UBTD1: variants seen among roughly 807,000 people sequenced by gnomAD.
UBTD1 encodes the protein ubiquitin domain containing 1.
A neutral mutation model predicts 21.7 loss-of-function variants in UBTD1; 19 were observed. That is an observed-to-expected ratio of 0.87 (90% CI 0.61 to 1.28). The LOEUF is 1.28. Among genes scored for constraint, UBTD1 ranks in the 50% most tolerant of loss-of-function variants. The pLI is 0.00. For missense variants in UBTD1, 282 were observed against 315.1 expected, an observed-to-expected ratio of 0.89 and a Z score of 0.80; for synonymous variants, 116 against 135.1, an observed-to-expected ratio of 0.86 and a Z score of 0.98.
chr10:97,545,766 T>C (rs1428100167), intron 1 of UBTD1, among the ~76,000 whole-genome samples: 1 of 152,236 alleles, frequency 6.6e-6, no homozygotes, highest in African/African-American at 2.4e-5. Flanking sequence ...CCTGCGTGTC[T>C]CTGTTCTAGG....
chr10:97,557,421 G>T (rs529295759), intron 1 of UBTD1, among the ~76,000 whole-genome samples: 4 of 152,080 alleles, frequency 2.6e-5, no homozygotes, highest in Non-Finnish European at 4.4e-5. Context: ...GCTCCCACTC[G>T]TGCAGGAGGG....
rs912687436 is a variant in UBTD1, at chr10:97,570,235, G to A, written c.396G>A (p.Glu132=). 2.5e-6 allele frequency: 4 copies of A among 1,613,060 alleles called. No individual in the cohort carries two copies. Among genetic ancestry groups the A allele is most frequent in the Non-Finnish European group, 2.5e-6 (3 of 1,179,988 alleles). Residue 132 remains glutamate (E), a synonymous_variant, in exon 3 of 3, where the codon GAG becomes GAA. Coordinates refer to ENST00000370664, the MANE Select transcript of UBTD1 (RefSeq NM_024954.5). This position sits in a 1 kb window ranked among gnomAD's most constrained non-coding sequence, Gnocchi z 6.6. The part of the protein sequence containing the change: ...PPVNLLLEHT[E]EESLEPPEPP... ...TGAACCTGCTGCTGGAGCACACGGA[G>A]GAGGAGAGCCTGGAGCCCCCCGAGC... is the stretch of plus-strand genomic sequence containing the variant.
At chr10:97,502,178 A>G (rs1292150733) in intron 1 of UBTD1, among the ~76,000 whole-genome samples, 1 of 151,858 alleles carries the variant, frequency 6.6e-6, no homozygotes, top group East Asian at 1.9e-4. Context: ...TGCATTTTTC[A>G]TATATCTGCA....
At chr10:97,514,945 CAG>C (rs1396494445) in intron 1 of UBTD1, among the ~76,000 whole-genome samples, 4 of 152,196 alleles carry the variant, frequency 2.6e-5, no homozygotes, top group African/African-American at 9.7e-5. Flanking sequence ...AGGTTTCTTT[CAG>C]AGAGTCTGGC....
At chr10:97,568,286 A>C in intron 2 of UBTD1, 145 bp downstream of exon 2, 1 of 782,828 alleles carries the variant, frequency 1.3e-6, no homozygotes, top group South Asian at 1.7e-5. Flanking sequence ...AGCATGGACC[A>C]GGAGTGGGTA....
Position 97,527,633 on chromosome 10 carries a change from AT to A in UBTD1, c.70+28362del, listed in dbSNP as rs1271875489. ...GTGTTTGTGTCCCTGGGTACTTGAG[AT>A]TAGGGAGTGGTGATGACTCTTAACG... On this transcript the variant is annotated intron_variant, in intron 1 of 2. Coordinates refer to ENST00000370664, the MANE Select transcript of UBTD1 (RefSeq NM_024954.5). 1.1e-4 allele frequency among the ~76,000 whole-genome samples: 17 copies of A among 152,200 alleles called. No homozygotes were observed. In the East Asian group the frequency reaches 3.3e-3, roughly 29 times the overall value.
At chr10:97,564,262 C>A (rs1253905655) in intron 1 of UBTD1, among the ~76,000 whole-genome samples, 2 of 152,102 alleles carry the variant, frequency 1.3e-5, no homozygotes, top group African/African-American at 4.8e-5. Flanking sequence ...GTGTCTGGGA[C>A]AAGGTTGGGG....
chr10:97,526,005 G>GC (rs2040486650), intron 1 of UBTD1, among the ~76,000 whole-genome samples: 1 of 152,100 alleles, frequency 6.6e-6, no homozygotes, highest in South Asian at 2.1e-4. Context: ...AAGGTTCCTG[G>GC]CAGCAGCAAG....
Position 97,507,770 on chromosome 10 carries a change from G to C in UBTD1, c.70+8497G>C, listed in dbSNP as rs1250902358. On this transcript the variant is annotated intron_variant, in intron 1 of 2. Transcript: ENST00000370664. ...AAGCCTAACGACAGAGCAAGACTCC[G>C]TCTCAAAAAAAAAAAAAAAAAAAAA... Among the ~76,000 whole-genome samples the C allele has an allele frequency of 4.4e-5, 4 of 90,754 alleles. No homozygotes were observed. The South Asian group carries it at 2.1e-3, about 47-fold the overall frequency. 59.5% of individuals were successfully genotyped at this position (90,754 alleles called of 152,430 possible).
intron 1 of UBTD1, among the ~76,000 whole-genome samples, chr10:97,539,397 C>T (rs1400138668): frequency 1.3e-5 from 2 of 152,072 alleles, no homozygotes; most frequent in African/African-American, 4.8e-5. Context: ...AGTTCAAGAC[C>T]AGTGTGGGCA....
chr10:97,512,037 T>G (rs1276638961), intron 1 of UBTD1, among the ~76,000 whole-genome samples: 1 of 152,192 alleles, frequency 6.6e-6, no homozygotes, highest in Non-Finnish European at 1.5e-5. Flanking sequence ...CAATATTTAC[T>G]ACATCGGCCT....
intron 1 of UBTD1, among the ~76,000 whole-genome samples, chr10:97,540,383 C>T (rs1054768176): frequency 6.6e-6 from 1 of 152,216 alleles, no homozygotes; most frequent in South Asian, 2.1e-4. Flanking sequence ...TCCCCTGACA[C>T]TCAGGAGACG....
intron 1 of UBTD1, among the ~76,000 whole-genome samples, chr10:97,551,525 C>A (rs983506395): frequency 6.6e-6 from 1 of 152,218 alleles, no homozygotes; most frequent in Non-Finnish European, 1.5e-5. Flanking sequence ...GGAACCATTT[C>A]TGTTACTCTG....
chr10:97,510,842 A>C (rs2040420692), intron 1 of UBTD1, among the ~76,000 whole-genome samples: 1 of 152,132 alleles, frequency 6.6e-6, no homozygotes, highest in Non-Finnish European at 1.5e-5. Flanking sequence ...GTAGCAAATC[A>C]CTTGCAACAC....
At chr10:97,502,723 G>A (rs1444937493) in intron 1 of UBTD1, among the ~76,000 whole-genome samples, 1 of 152,058 alleles carries the variant, frequency 6.6e-6, no homozygotes, top group African/African-American at 2.4e-5. Flanking sequence ...TCACTTGGTA[G>A]ACAAAGCAGA....
At chr10:97,537,423 A>T (rs2040568079) in intron 1 of UBTD1, among the ~76,000 whole-genome samples, 1 of 152,220 alleles carries the variant, frequency 6.6e-6, no homozygotes, top group African/African-American at 2.4e-5. Flanking sequence ...CGACCTGCAC[A>T]TAGCTTGGAG....
Position 97,564,533 on chromosome 10 carries a change from T to C in UBTD1, c.71-3381T>C, listed in dbSNP as rs142141010. On this transcript the variant is annotated intron_variant, in intron 1 of 2. Coordinates refer to ENST00000370664, the MANE Select transcript of UBTD1 (RefSeq NM_024954.5). Reference sequence around the variant, plus strand: ...AGCCACCTGTGAAATTTCATCTACATAATAAGAACCTTGGTCTCCACAACT... The same window carrying C: ...AGCCACCTGTGAAATTTCATCTACACAATAAGAACCTTGGTCTCCACAACT... Among the ~76,000 whole-genome samples, 622 of 152,308 alleles carry C rather than the reference T, an allele frequency of 4.1e-3. 7 individuals are homozygous for C. The highest frequency in any genetic ancestry group is 0.015 in the African/African-American group (606 of 41,554).
Position 97,557,487 on chromosome 10 carries a change from G to T in UBTD1, c.71-10427G>T, listed in dbSNP as rs970102129. On this transcript the variant is annotated intron_variant, in intron 1 of 2. Transcript: ENST00000370664. Reference sequence around the variant, plus strand: ...ATCTTTTTTATCTTCTTTTCAAGTAGCCCAAATGACACAAGACCAGTACTG... The same window carrying T: ...ATCTTTTTTATCTTCTTTTCAAGTATCCCAAATGACACAAGACCAGTACTG... Among the ~76,000 whole-genome samples, 6 of 152,036 alleles carry T rather than the reference G, an allele frequency of 3.9e-5. No individual in the cohort carries two copies. The East Asian group carries it at 1.2e-3, about 29-fold the overall frequency.
intron 1 of UBTD1, among the ~76,000 whole-genome samples, chr10:97,553,713 T>A (rs1278971352): frequency 6.6e-6 from 1 of 152,168 alleles, no homozygotes; most frequent in Non-Finnish European, 1.5e-5. Flanking sequence ...GGTGCAGTGA[T>A]GACTGAGAAG....
Sources: gnomAD v4.1 joint callset for allele counts (sites outside exome capture counted in the v4.1 genomes callset) on GRCh38, gnomAD v4.1.1 for gene constraint, Gnocchi (gnomAD v3.1) non-coding constraint, MANE v1.5 for transcripts, NCBI Gene and HGNC (gene_info 2026-07-23, HGNC 2026-07-21) for gene names.